The following XRN2 variants were observed in gnomAD, a reference collection of about 807,000 sequenced individuals.
The protein encoded by XRN2 is 5'-3' exoribonuclease 2.
A neutral mutation model predicts 138.5 loss-of-function variants in XRN2; 44 were observed. The ratio of observed to expected loss-of-function variants is 0.32; its 90% CI spans 0.25 to 0.41. The LOEUF (loss-of-function observed/expected upper bound fraction) is 0.41, where lower values mean the gene tolerates loss of function less well. XRN2 is among the 10% of genes least tolerant of loss of function. The probability of loss-of-function intolerance (pLI) is 1.00; values close to 1 mark genes in which losing one functional copy is unlikely to be tolerated. For missense variants in XRN2, 937 were observed against 1,169.3 expected (o/e 0.80, Z 2.90); for synonymous variants, 354 against 369.4 (o/e 0.96, Z 0.48).
At chr20:21,310,673 T>C (rs2037867479) in intron 1 of XRN2, among the ~76,000 whole-genome samples, 2 of 152,182 alleles carry the variant, frequency 1.3e-5, no homozygotes, top group African/African-American at 4.8e-5. Flanking sequence ...CCTGTTTGCA[T>C]CTTTATGTTT....
In XRN2 at chr20:21,356,093, C is replaced by G. The variant is rs1474758992; in HGVS notation, c.2034C>G (p.Ser678Arg). 1 of 1,611,884 alleles carries G rather than the reference C, an allele frequency of 6.2e-7. No homozygotes were observed. Among genetic ancestry groups the G allele is most frequent in the South Asian group, 1.1e-5 (1 of 90,868 alleles). The part of the protein sequence containing the change: ...DLTPEETRRN[S>R]LGGDVLFVGK... ...CTTTCTCCCTAGCCAGAAGAAACAG[C>G]CTTGGAGGTGATGTCTTATTTGTGG... Residue 678 changes from serine to arginine, a missense_variant, in exon 22 of 30, where the codon AGC becomes AGG. By Grantham distance (110) the Ser-to-Arg change is moderately radical. Transcript: ENST00000377191.
chr20:21,357,919 G>T (rs1461255211), intron 24 of XRN2, 127 bp downstream of exon 24: 13 of 688,654 alleles, frequency 1.9e-5, no homozygotes, highest in Non-Finnish European at 3.1e-5. Flanking sequence ...AGATTGGAGA[G>T]TCCCTGTGTT....
intron 21 of XRN2, 46 bp from the exon 22 acceptor site, chr20:21,356,034 G>C: frequency 6.7e-7 from 1 of 1,499,904 alleles, no homozygotes; most frequent in Non-Finnish European, 9.1e-7. Context: ...GGTCTTGCAG[G>C]TACAATTTTT....
chr20:21,356,514 A>G, intron 22 of XRN2, 72 bp from the exon 23 acceptor site: 1 of 1,370,676 alleles, frequency 7.3e-7, no homozygotes, highest in Non-Finnish European at 1.0e-6. Flanking sequence ...GCTGCTATGA[A>G]CACTCAAGAA....
At chr20:21,377,666 A>G (rs766518548) in intron 27 of XRN2, among the ~76,000 whole-genome samples, 3 of 151,720 alleles carry the variant, frequency 2.0e-5, no homozygotes, top group Admixed American at 6.6e-5. Flanking sequence ...GTCTTCACCT[A>G]TGTATCAATC....
Position 21,332,206 on chromosome 20 carries a change from G to T in XRN2, c.701-77G>T, listed in dbSNP as rs112124595. On this transcript the variant is annotated intron_variant, in intron 8 of 29. Coordinates refer to ENST00000377191, the MANE Select transcript of XRN2 (RefSeq NM_012255.5). ...CTCATTTGGGCTTTTCTTTGTGTTG[G>T]CATCTCATAGTAGTTTATGGTAAGA... 1.5e-4 allele frequency: 220 copies of T among 1,505,238 alleles called. No homozygotes were observed. In the African/African-American group the frequency reaches 2.8e-3, roughly 19 times the overall value. The allele number at this position is 1,505,238 out of a possible 1,614,324, so 93.2% of individuals were successfully genotyped here.
intron 13 of XRN2, among the ~76,000 whole-genome samples, 164 bp downstream of exon 13, chr20:21,334,349 T>G (rs989530008): frequency 1.3e-5 from 2 of 152,242 alleles, no homozygotes; most frequent in African/African-American, 4.8e-5. Context: ...TTATAAAGGT[T>G]GTGCTGCTTG....
intron 20 of XRN2, among the ~76,000 whole-genome samples, chr20:21,350,881 A>G (rs972165342): frequency 1.3e-5 from 2 of 152,150 alleles, no homozygotes; most frequent in African/African-American, 2.4e-5. Context: ...TTGGGGTTAT[A>G]TAAGGGTTGT....
At chr20:21,373,729 A>C (rs2038787403) in intron 27 of XRN2, among the ~76,000 whole-genome samples, 1 of 152,162 alleles carries the variant, frequency 6.6e-6, no homozygotes, top group Non-Finnish European at 1.5e-5. Context: ...CCTGGTGACT[A>C]AGTGGAGCAT....
intron 1 of XRN2, among the ~76,000 whole-genome samples, chr20:21,322,809 A>G (rs879755177): frequency 6.6e-6 from 1 of 152,194 alleles, no homozygotes; most frequent in Non-Finnish European, 1.5e-5. Context: ...CCTATTTGGA[A>G]TAAATATATC....
intron 20 of XRN2, 122 bp downstream of exon 20, chr20:21,349,583 A>T (rs1033611811): frequency 2.1e-5 from 18 of 847,504 alleles, no homozygotes; most frequent in Non-Finnish European, 3.0e-5. Context: ...TTTCTACAAA[A>T]AATACAAAAA....
At chr20:21,331,155 A>G (rs1290441218) in intron 6 of XRN2, among the ~76,000 whole-genome samples, 2 of 152,120 alleles carry the variant, frequency 1.3e-5, no homozygotes, top group Non-Finnish European at 2.9e-5. Flanking sequence ...GGTAAATTAT[A>G]TTTTATAGAT....
At chr20:21,385,232 A>G (rs1191832264) in intron 28 of XRN2, among the ~76,000 whole-genome samples, 1 of 152,230 alleles carries the variant, frequency 6.6e-6, no homozygotes, top group African/African-American at 2.4e-5. Context: ...CTCAAAAGAA[A>G]AACTGATCAC....
intron 15 of XRN2, among the ~76,000 whole-genome samples, chr20:21,343,337 A>T (rs1168864198): frequency 6.6e-6 from 1 of 152,064 alleles, no homozygotes; most frequent in Non-Finnish European, 1.5e-5. Flanking sequence ...AAATTAACGT[A>T]TTATGTTAAT....
chr20:21,369,788 G>A (rs1417239255), intron 27 of XRN2, among the ~76,000 whole-genome samples: 1 of 151,532 alleles, frequency 6.6e-6, no homozygotes, highest in Non-Finnish European at 1.5e-5. Flanking sequence ...CAAATGGATA[G>A]TTTGCAGATA....
chr20:21,316,531 T>C (rs2122175739), intron 1 of XRN2, among the ~76,000 whole-genome samples: 1 of 152,308 alleles, frequency 6.6e-6, no homozygotes, highest in Non-Finnish European at 1.5e-5. Flanking sequence ...TCCTACACCA[T>C]TTGTTGAAGA....
rs1234691666 is a variant in XRN2 at position 21,346,529 on chromosome 20, G to C, written c.1644G>C (p.Trp548Cys). 6.2e-7 allele frequency: 1 copy of C among 1,613,578 alleles called. No individual in the cohort carries two copies. Among genetic ancestry groups the C allele is most frequent in the Non-Finnish European group, 8.5e-7 (1 of 1,179,740 alleles). The change falls in exon 17 of 30, where the codon TGG becomes TGC. Residue 548 changes from tryptophan to cysteine, a missense_variant. Physicochemically the swap from Trp to Cys is radical, Grantham distance 215. Coordinates refer to ENST00000377191, the MANE Select transcript of XRN2 (RefSeq NM_012255.5). Reference sequence around the variant, plus strand: ...AGTCGTACGTTGAAGGACTTTGCTGGGTTCTTAGATATTATTACCAGGTAC... The same window carrying C: ...AGTCGTACGTTGAAGGACTTTGCTGCGTTCTTAGATATTATTACCAGGTAC... ...VVQSYVEGLC[W>C]VLRYYYQGCA...
chr20:21,339,972 A>C (rs2038350431), intron 14 of XRN2, among the ~76,000 whole-genome samples: 1 of 152,134 alleles, frequency 6.6e-6, no homozygotes, highest in African/African-American at 2.4e-5. Context: ...GTTCAAAATC[A>C]TTTAGATTGG....
intron 19 of XRN2, 127 bp downstream of exon 19, chr20:21,348,557 C>A: frequency 2.5e-6 from 2 of 808,308 alleles, no homozygotes; most frequent in Non-Finnish European, 3.9e-6. Flanking sequence ...TTTTTTACTC[C>A]AAACACACAT....
Sources: gnomAD v4.1 joint callset for allele counts (sites outside exome capture counted in the v4.1 genomes callset) on GRCh38, gnomAD v4.1.1 for gene constraint, MANE v1.5 for transcripts, NCBI Gene and HGNC (gene_info 2026-07-23, HGNC 2026-07-21) for gene names.